GALK2: variants seen among roughly 807,000 people sequenced by gnomAD.
GALK2 encodes galactokinase 2, also known as N-acetylgalactosamine kinase.
GALK2 carries 36 observed loss-of-function variants against 52.4 expected under a neutral mutation model. That is an observed-to-expected ratio of 0.69 (90% CI 0.53 to 0.91). GALK2 has a LOEUF of 0.91. GALK2 is among the 40% of genes least tolerant of loss of function. The pLI is 0.00. For missense variants in GALK2, 579 were observed against 559.1 expected (o/e 1.04, Z -0.36); for synonymous variants, 176 against 199.1 (o/e 0.88, Z 0.98).
At chr15:49,311,046 C>T (rs2035947275) in intron 8 of GALK2, among the ~76,000 whole-genome samples, 1 of 152,156 alleles carries the variant, frequency 6.6e-6, no homozygotes, top group South Asian at 2.1e-4. Flanking sequence ...AGTCTTTAAT[C>T]CATCTTAAGT....
rs780786764 is a variant in GALK2, at chr15:49,306,179, C to T, written c.968-13425C>T. The stretch of plus-strand genomic sequence containing the variant: ...TCTTCCTGTTCTGCTCCAGTACCTA[C>T]CTTCCAAAAGCAAACTCCGGACAAC... On this transcript the variant is annotated intron_variant, in intron 8 of 9. Coordinates refer to ENST00000560031, the MANE Select transcript of GALK2 (RefSeq NM_002044.4). Among the ~76,000 whole-genome samples, 31 of 151,866 alleles carry T rather than the reference C, an allele frequency of 2.0e-4. 1 individual carries two copies. The East Asian group carries it at 5.8e-3, about 28-fold the overall frequency.
intron 1 of GALK2, among the ~76,000 whole-genome samples, chr15:49,175,356 A>G (rs2085365730): frequency 6.6e-6 from 1 of 152,174 alleles, no homozygotes; most frequent in Non-Finnish European, 1.5e-5. Flanking sequence ...GAGGTGTCCA[A>G]TAGCTGCTAT....
rs1474913104 is a variant in GALK2, at chr15:49,319,892, G to A, written c.1169+87G>A. 38 of 1,158,962 alleles carry A rather than the reference G, an allele frequency of 3.3e-5. No individual in the cohort carries two copies. The South Asian group carries it at 4.4e-4, about 14-fold the overall frequency. The allele number at this position is 1,158,962 out of a possible 1,614,324, so 71.8% of individuals were successfully genotyped here. A position where few individuals can be genotyped will look rare whatever the true frequency, so the allele number is the denominator to read the frequency against. On this transcript the variant is annotated intron_variant, in intron 9 of 9. Transcript: ENST00000560031. ...AAAAATGCAACATTTCATAATCTAC[G>A]GGAATGAAGATCATTCCCCACTTCC...
intron 3 of GALK2, among the ~76,000 whole-genome samples, chr15:49,364,341 G>A (rs2044749916): frequency 6.6e-6 from 1 of 152,048 alleles, no homozygotes; most frequent in Non-Finnish European, 1.5e-5. Flanking sequence ...TTCAATCTTA[G>A]TAGGTTGTAT....
intron 1 of GALK2, among the ~76,000 whole-genome samples, chr15:49,193,382 G>A (rs748427206): frequency 4.0e-5 from 6 of 151,410 alleles, no homozygotes; most frequent in African/African-American, 1.5e-4. Context: ...TTAATGTAAG[G>A]GATATTATCT....
At chr15:49,333,082 C>G (rs915740886), downstream of GALK2, among the ~76,000 whole-genome samples, 12 of 152,264 alleles carry the variant, frequency 7.9e-5, no homozygotes, top group East Asian at 3.9e-4. Flanking sequence ...TCTGTCTCAT[C>G]TCACTAAGTT....
chr15:49,177,179 C>T (rs1477501324), intron 1 of GALK2, among the ~76,000 whole-genome samples: 2 of 151,852 alleles, frequency 1.3e-5, no homozygotes, highest in African/African-American at 4.8e-5. Context: ...TTTATCCAAT[C>T]TGCTATTTTC....
chr15:49,177,149 A>G (rs1238887734), intron 1 of GALK2, among the ~76,000 whole-genome samples: 3 of 152,000 alleles, frequency 2.0e-5, no homozygotes, highest in African/African-American at 4.8e-5. Context: ...TTTTAAATTG[A>G]AGAACCACCT....
At chr15:49,170,164 A>T (rs1432251113), upstream of GALK2, 2 of 1,454,888 alleles carry the variant, frequency 1.4e-6, no homozygotes, top group Non-Finnish European at 1.8e-6. Flanking sequence ...GGAGGGGCCG[A>T]TTGGAAGCAG....
At chr15:49,252,814 C>G (rs1038132215) in intron 5 of GALK2, among the ~76,000 whole-genome samples, 2 of 144,594 alleles carry the variant, frequency 1.4e-5, no homozygotes, top group Admixed American at 7.0e-5. Flanking sequence ...ATCTATTTTC[C>G]TACTACTGAA....
chr15:49,245,232 G>A (rs1054442518), intron 5 of GALK2, among the ~76,000 whole-genome samples: 1 of 152,042 alleles, frequency 6.6e-6, no homozygotes, highest in Non-Finnish European at 1.5e-5. Flanking sequence ...GAAACAACAG[G>A]CAATAACATT....
intron 3 of GALK2, among the ~76,000 whole-genome samples, chr15:49,337,958 T>C (rs183079978): frequency 6.6e-6 from 1 of 152,358 alleles, no homozygotes. Flanking sequence ...ACTGCCGCAA[T>C]AAACATACGT....
At chr15:49,213,101 A>G (rs2089059808) in intron 2 of GALK2, among the ~76,000 whole-genome samples, 1 of 152,320 alleles carries the variant, frequency 6.6e-6, no homozygotes, top group South Asian at 2.1e-4. Context: ...TGAAATCCCC[A>G]GCTATTATTC....
At chr15:49,277,421 GC>G (rs990768450) in intron 5 of GALK2, among the ~76,000 whole-genome samples, 6 of 143,734 alleles carry the variant, frequency 4.2e-5, no homozygotes, top group African/African-American at 1.5e-4. Context: ...GCCCGCCTCG[GC>G]CTCCCAAAGT....
chr15:49,243,906 T>A (rs1233344104), intron 5 of GALK2, among the ~76,000 whole-genome samples: 1 of 151,788 alleles, frequency 6.6e-6, no homozygotes, highest in African/African-American at 2.4e-5. Context: ...GAGGATCGCT[T>A]GAGGCCAGGA....
chr15:49,227,652 G>T (rs1009632050), intron 3 of GALK2, among the ~76,000 whole-genome samples: 3 of 151,120 alleles, frequency 2.0e-5, no homozygotes, highest in African/African-American at 7.3e-5. Flanking sequence ...TATTGATATG[G>T]GAGGGCTTAT....
At chr15:49,366,954 C>T (rs1010950451) in intron 3 of GALK2, among the ~76,000 whole-genome samples, 4 of 152,116 alleles carry the variant, frequency 2.6e-5, no homozygotes, top group African/African-American at 9.7e-5. Flanking sequence ...GGGCCCTACC[C>T]CTGCTTCAAC....
At chr15:49,342,705 T>G (rs76013079) in intron 3 of GALK2, among the ~76,000 whole-genome samples, 62 of 152,284 alleles carry the variant, frequency 4.1e-4, no homozygotes, top group African/African-American at 1.4e-3. Context: ...CTTAAAGATC[T>G]CTTATGAGAC....
chr15:49,171,315 C>G (rs1162820716), intron 1 of GALK2, among the ~76,000 whole-genome samples: 1 of 152,130 alleles, frequency 6.6e-6, no homozygotes, highest in African/African-American at 2.4e-5. Flanking sequence ...CTCCTGAGCT[C>G]AAGTGATCCG....
Sources: gnomAD v4.1 joint callset for allele counts (sites outside exome capture counted in the v4.1 genomes callset) on GRCh38, gnomAD v4.1.1 for gene constraint, MANE v1.5 for transcripts, NCBI Gene and HGNC (gene_info 2026-07-23, HGNC 2026-07-21) for gene names.